The following PTPRD variants were observed in gnomAD, a reference collection of about 807,000 sequenced individuals.
The protein encoded by PTPRD is receptor-type tyrosine-protein phosphatase delta.
PTPRD carries 34 observed loss-of-function variants against 214.5 expected under a neutral mutation model. The observed-to-expected ratio is 0.16, with a 90% CI of 0.12 to 0.21. The LOEUF is 0.21. PTPRD is among the 10% of genes least tolerant of loss of function. The pLI, the probability that PTPRD is intolerant of heterozygous loss-of-function variation, is 1.00. For missense variants in PTPRD, 2,545 were observed against 2,398.7 expected (o/e 1.06, Z -1.27); for synonymous variants, 1,128 against 845.7 (o/e 1.33, Z -5.79).
At chr9:9,917,795 T>C (rs2081366069) in intron 5 of PTPRD, among the ~76,000 whole-genome samples, 2 of 151,878 alleles carry the variant, frequency 1.3e-5, no homozygotes, top group Admixed American at 1.3e-4. Context: ...AACATGCAAA[T>C]CAATAAATGT....
At chr9:8,578,614 T>G (rs1328888941) in intron 14 of PTPRD, among the ~76,000 whole-genome samples, 1 of 152,128 alleles carries the variant, frequency 6.6e-6, no homozygotes, top group Non-Finnish European at 1.5e-5. Flanking sequence ...GGCTGAGAAG[T>G]GGAAAGGCAA....
intron 10 of PTPRD, among the ~76,000 whole-genome samples, chr9:9,034,571 T>C (rs1413978235): frequency 2.0e-5 from 3 of 152,270 alleles, no homozygotes; most frequent in Non-Finnish European, 4.4e-5. Flanking sequence ...AGCTTGTACA[T>C]AATTCTATAA....
At chr9:10,161,100 T>A (rs1301570165) in intron 3 of PTPRD, among the ~76,000 whole-genome samples, 1 of 151,872 alleles carries the variant, frequency 6.6e-6, no homozygotes, top group African/African-American at 2.4e-5. Flanking sequence ...TATTTCATGT[T>A]CATGAACTTG....
intron 14 of PTPRD, among the ~76,000 whole-genome samples, chr9:8,630,805 T>C (rs907207915): frequency 2.6e-5 from 4 of 151,846 alleles, no homozygotes; most frequent in African/African-American, 9.7e-5. Context: ...AAAACATTAA[T>C]CCATGTAAAT....
chr9:9,777,975 A>T (rs1405680432), intron 5 of PTPRD, among the ~76,000 whole-genome samples: 2 of 152,204 alleles, frequency 1.3e-5, no homozygotes, highest in African/African-American at 2.4e-5. Context: ...CAAAGAGGAT[A>T]TTCCAAGAAT....
intron 3 of PTPRD, among the ~76,000 whole-genome samples, chr9:10,113,708 T>TA (rs1351578869): frequency 6.6e-6 from 1 of 152,136 alleles, no homozygotes; most frequent in Non-Finnish European, 1.5e-5. Flanking sequence ...GGGTAATTTA[T>TA]AAAAAAATCT....
chr9:10,508,489 A>C (rs1337251972), intron 2 of PTPRD, among the ~76,000 whole-genome samples: 3 of 152,214 alleles, frequency 2.0e-5, no homozygotes, highest in Non-Finnish European at 2.9e-5. Context: ...ATGAAGACAC[A>C]TGCACACGTA....
chr9:10,488,174 T>C (rs1050965722), intron 2 of PTPRD, among the ~76,000 whole-genome samples: 1 of 151,828 alleles, frequency 6.6e-6, no homozygotes, highest in Non-Finnish European at 1.5e-5. Flanking sequence ...GAGACCATCC[T>C]GGCTAACACG....
intron 3 of PTPRD, among the ~76,000 whole-genome samples, chr9:10,168,809 T>C (rs147637998): frequency 1.1e-3 from 171 of 152,318 alleles, no homozygotes; most frequent in African/African-American, 3.7e-3. Flanking sequence ...AAATGAAGTA[T>C]ATATTACATA....
At chr9:9,549,058 G>A (rs888216649) in intron 8 of PTPRD, among the ~76,000 whole-genome samples, 2 of 152,010 alleles carry the variant, frequency 1.3e-5, no homozygotes, top group Non-Finnish European at 2.9e-5. Context: ...CTCTTTTCAA[G>A]AGGAAAGCAT....
chr9:9,869,884 G>C (rs1424779868), intron 5 of PTPRD, among the ~76,000 whole-genome samples: 1 of 152,002 alleles, frequency 6.6e-6, no homozygotes, highest in African/African-American at 2.4e-5. Context: ...ATTGAGACAA[G>C]TGGGAAAACA....
At chr9:9,217,015 G>A (rs978568951) in intron 9 of PTPRD, among the ~76,000 whole-genome samples, 7 of 152,024 alleles carry the variant, frequency 4.6e-5, no homozygotes, top group South Asian at 2.1e-4. Flanking sequence ...AAAATTCAAA[G>A]AACCAATATG....
intron 5 of PTPRD, among the ~76,000 whole-genome samples, chr9:9,821,622 G>A (rs912446042): frequency 3.9e-5 from 6 of 152,002 alleles, no homozygotes; most frequent in Non-Finnish European, 7.4e-5. Flanking sequence ...TTCTTCCTAT[G>A]CATAAAAATA....
intron 8 of PTPRD, among the ~76,000 whole-genome samples, chr9:9,416,506 T>A (rs112835740): frequency 1.3e-5 from 2 of 152,200 alleles, no homozygotes; most frequent in Non-Finnish European, 2.9e-5. Flanking sequence ...GTGAATGTTA[T>A]TGCTGTCAGA....
intron 11 of PTPRD, among the ~76,000 whole-genome samples, chr9:8,932,850 G>A (rs1403568123): frequency 6.6e-6 from 1 of 152,086 alleles, no homozygotes; most frequent in Non-Finnish European, 1.5e-5. Context: ...TTGGCTCCCT[G>A]GCTTCCGTCG....
At chr9:9,722,735 T>C (rs1477809543) in intron 7 of PTPRD, among the ~76,000 whole-genome samples, 2 of 152,070 alleles carry the variant, frequency 1.3e-5, no homozygotes, top group Non-Finnish European at 2.9e-5. Context: ...ACTTAATATC[T>C]GACTTTTTGA....
intron 7 of PTPRD, among the ~76,000 whole-genome samples, chr9:9,644,786 C>T (rs2096091936): frequency 6.6e-6 from 1 of 152,172 alleles, no homozygotes; most frequent in African/African-American, 2.4e-5. Flanking sequence ...GGCAGAGGAG[C>T]AGAGTGGCTT....
In PTPRD at chr9:9,031,638, T is replaced by C. The variant is rs147532058; in HGVS notation, c.-142-12903A>G. Among the ~76,000 whole-genome samples the C allele has an allele frequency of 1.7e-4, 26 of 152,192 alleles. 1 individual carries two copies. In the East Asian group the frequency reaches 5.0e-3, roughly 30 times the overall value. On this transcript the variant is annotated intron_variant, in intron 10 of 45. Transcript: ENST00000381196. ...AATAAATACGTGGTCCATCAGTGAC[T>C]GGAATGTTGTATATATAAATTAATG...
chr9:9,887,627 C>T (rs1489345869), intron 5 of PTPRD, among the ~76,000 whole-genome samples: 1 of 152,090 alleles, frequency 6.6e-6, no homozygotes, highest in Non-Finnish European at 1.5e-5. Flanking sequence ...TCAGACAAAC[C>T]TGGAGAGTCA....
Sources: gnomAD v4.1 joint callset for allele counts (sites outside exome capture counted in the v4.1 genomes callset) on GRCh38, gnomAD v4.1.1 for gene constraint, MANE v1.5 for transcripts, NCBI Gene and HGNC (gene_info 2026-07-23, HGNC 2026-07-21) for gene names.